The following NPAS3 variants were observed in gnomAD, a reference collection of about 807,000 sequenced individuals.
The protein encoded by NPAS3 is neuronal PAS domain protein 3, also known as neuronal PAS domain-containing protein 3.
Under a neutral mutation model 73.1 loss-of-function variants are expected in NPAS3, and 14 were observed. That is an observed-to-expected ratio of 0.19 (90% CI 0.13 to 0.30). The LOEUF (loss-of-function observed/expected upper bound fraction) is 0.30, where lower values mean the gene tolerates loss of function less well. Ranked by LOEUF, NPAS3 falls within the 10% of genes least tolerant of loss-of-function variation. The probability of loss-of-function intolerance (pLI) is 1.00; values close to 1 mark genes in which losing one functional copy is unlikely to be tolerated. For missense variants in NPAS3, 1,096 were observed against 1,250.0 expected, an observed-to-expected ratio of 0.88 and a Z score of 1.86; for synonymous variants, 620 against 541.5, an observed-to-expected ratio of 1.14 and a Z score of -2.01.
chr14:33,447,139 C>G (rs934386883), intron 4 of NPAS3, among the ~76,000 whole-genome samples: 2 of 152,196 alleles, frequency 1.3e-5, no homozygotes, highest in African/African-American at 2.4e-5. Flanking sequence ...TGGGCATATG[C>G]AAAAGGCCGT....
At chr14:33,204,985 A>G (rs979707218) in intron 2 of NPAS3, among the ~76,000 whole-genome samples, 7 of 152,202 alleles carry the variant, frequency 4.6e-5, no homozygotes, top group Admixed American at 2.6e-4. Flanking sequence ...ATTTGGATCC[A>G]ATAAATTATA....
chr14:33,667,746 C>T (rs1228330813), intron 5 of NPAS3, among the ~76,000 whole-genome samples: 1 of 152,098 alleles, frequency 6.6e-6, no homozygotes, highest in Non-Finnish European at 1.5e-5. Context: ...CCATGGTGCA[C>T]ACATGGTATT....
intron 2 of NPAS3, among the ~76,000 whole-genome samples, chr14:33,166,527 A>T (rs1185849078): frequency 6.6e-6 from 1 of 151,890 alleles, no homozygotes; most frequent in African/African-American, 2.4e-5. Context: ...GGATCTTTGT[A>T]TTTTTTTCCC....
At chr14:33,353,533 G>A (rs181608170) in intron 3 of NPAS3, among the ~76,000 whole-genome samples, 1 of 152,336 alleles carries the variant, frequency 6.6e-6, no homozygotes, top group African/African-American at 2.4e-5. Flanking sequence ...TTATTGATGA[G>A]CAAAGTGATG....
intron 3 of NPAS3, among the ~76,000 whole-genome samples, chr14:33,299,465 C>A (rs1172423683): frequency 1.3e-5 from 2 of 152,100 alleles, no homozygotes; most frequent in East Asian, 3.9e-4. Flanking sequence ...GCCATCTTAC[C>A]ACCTCATAGA....
chr14:33,561,037 C>A (rs559611597), intron 5 of NPAS3, among the ~76,000 whole-genome samples: 2 of 152,166 alleles, frequency 1.3e-5, no homozygotes, highest in Non-Finnish European at 1.5e-5. Flanking sequence ...TGACCCCTTT[C>A]ATCTGGTAGT....
intron 8 of NPAS3, among the ~76,000 whole-genome samples, chr14:33,777,665 CAAG>C (rs1287871837): frequency 1.3e-5 from 2 of 152,074 alleles, no homozygotes; most frequent in East Asian, 3.9e-4. Flanking sequence ...CAGAGGGTAA[CAAG>C]CATTTTGACA....
intron 2 of NPAS3, among the ~76,000 whole-genome samples, chr14:33,202,142 C>T (rs2046643095): frequency 1.3e-5 from 2 of 152,062 alleles, no homozygotes; most frequent in Non-Finnish European, 2.9e-5. Context: ...TGGCGCACAC[C>T]TGTAATCCCA....
chr14:32,945,379 A>G (rs1203643496), intron 1 of NPAS3, among the ~76,000 whole-genome samples: 1 of 152,248 alleles, frequency 6.6e-6, no homozygotes, highest in Non-Finnish European at 1.5e-5. Context: ...ATATAATAAT[A>G]TAAACATTGG....
chr14:33,274,854 T>A lies in NPAS3; in HGVS notation c.385+59428T>A, dbSNP rs190223877. 2.2e-3 allele frequency among the ~76,000 whole-genome samples: 338 copies of A among 152,298 alleles called. 1 individual carries two copies. Among genetic ancestry groups the A allele is most frequent in the Non-Finnish European group, 3.6e-3 (248 of 68,020 alleles). ...AAATAGATGCCAGGACTCTAGCAAC[T>A]TTTTTAAAGGGCTACATTTTTATAT... is the stretch of plus-strand genomic sequence containing the variant. On this transcript the variant is annotated intron_variant, in intron 3 of 11. Transcript: ENST00000356141.
chr14:33,734,823 C>T (rs948868959), intron 6 of NPAS3, among the ~76,000 whole-genome samples: 5 of 152,118 alleles, frequency 3.3e-5, no homozygotes, highest in Non-Finnish European at 7.4e-5. Context: ...CTTCCTTACC[C>T]TTTATCAGAA....
chr14:33,121,306 G>C (rs1285486498), intron 2 of NPAS3, among the ~76,000 whole-genome samples: 1 of 152,134 alleles, frequency 6.6e-6, no homozygotes, highest in African/African-American at 2.4e-5. Flanking sequence ...ACGTCTTTGA[G>C]ATAAAACATC....
At chr14:33,774,673 C>G (rs1019346383) in intron 8 of NPAS3, 143 bp downstream of exon 8, 1 of 634,860 alleles carries the variant, frequency 1.6e-6, no homozygotes, top group African/African-American at 1.8e-5. Flanking sequence ...TGGACTGACA[C>G]CAAACATGCT....
chr14:33,140,182 A>T (rs2043994184), intron 2 of NPAS3, among the ~76,000 whole-genome samples: 1 of 152,164 alleles, frequency 6.6e-6, no homozygotes, highest in Non-Finnish European at 1.5e-5. Context: ...GCTGCACAGT[A>T]AATTACATTG....
chr14:33,393,745 T>C (rs981399877), intron 4 of NPAS3, among the ~76,000 whole-genome samples: 1 of 152,158 alleles, frequency 6.6e-6, no homozygotes, highest in African/African-American at 2.4e-5. Context: ...ATGATACTGC[T>C]AGCATTTCAG....
intron 3 of NPAS3, among the ~76,000 whole-genome samples, chr14:33,227,115 C>G (rs2047664652): frequency 6.6e-6 from 1 of 152,118 alleles, no homozygotes; most frequent in South Asian, 2.1e-4. Context: ...GCAGGTAAGC[C>G]TCATTTTGGA....
chr14:33,785,261 C>G (rs964851384), intron 9 of NPAS3, among the ~76,000 whole-genome samples: 4 of 151,278 alleles, frequency 2.6e-5, no homozygotes, highest in African/African-American at 9.7e-5. Context: ...CAGTGAAACC[C>G]CATCTCTACT....
At chr14:33,622,124 A>C (rs2058092931) in intron 5 of NPAS3, among the ~76,000 whole-genome samples, 1 of 152,136 alleles carries the variant, frequency 6.6e-6, no homozygotes, top group Non-Finnish European at 1.5e-5. Context: ...TTCTCTCCTA[A>C]TGTTCAAAAC....
At chr14:33,429,763 G>A (rs1035100894) in intron 4 of NPAS3, among the ~76,000 whole-genome samples, 46 of 152,206 alleles carry the variant, frequency 3.0e-4, no homozygotes, top group African/African-American at 1.1e-3. Context: ...GAACTAAAAA[G>A]GTACATTTTG....
Sources: allele counts gnomAD v4.1 joint callset (sites outside exome capture counted in the v4.1 genomes callset), GRCh38; gene constraint gnomAD v4.1.1; transcripts MANE v1.5; gene names NCBI Gene and HGNC (gene_info 2026-07-23, HGNC 2026-07-21).